Variants in CD109 observed in about 807,000 individuals in gnomAD.
CD109 encodes CD109 molecule.
Under a neutral mutation model 165.8 loss-of-function variants are expected in CD109, and 149 were observed. That is an observed-to-expected ratio of 0.90 (90% CI 0.79 to 1.03). The LOEUF (loss-of-function observed/expected upper bound fraction) is 1.03. Among genes scored for constraint, CD109 ranks in the 50% least tolerant of loss-of-function variants. CD109 has a pLI of 0.00. For synonymous variants in CD109, 585 were observed against 592.1 expected (o/e 0.99, Z 0.18); for missense variants, 1,712 against 1,677.8 (o/e 1.02, Z -0.36).
At chr6:73,700,790 GTTTTTTT>G (rs58140668) in intron 2 of CD109, among the ~76,000 whole-genome samples, 2 of 51,478 alleles carry the variant, frequency 3.9e-5, no homozygotes, top group East Asian at 6.0e-4. Flanking sequence ...ATTGATTGTA[GTTTTTTT>G]TTTTTTTTTT....
intron 29 of CD109, among the ~76,000 whole-genome samples, chr6:73,814,609 G>A (rs1262671774): frequency 3.3e-5 from 5 of 152,166 alleles, no homozygotes; most frequent in African/African-American, 1.2e-4. Flanking sequence ...GTTCTAGTTA[G>A]AGAAAAATGA....
At chr6:73,762,344 C>G in intron 7 of CD109, 40 bp from the exon 8 acceptor site, 1 of 1,202,658 alleles carries the variant, frequency 8.3e-7, no homozygotes. Flanking sequence ...CTGACAATAT[C>G]AAGTTGATAC....
intron 23 of CD109, among the ~76,000 whole-genome samples, chr6:73,793,833 G>A (rs1224523221): frequency 2.0e-5 from 3 of 152,180 alleles, no homozygotes; most frequent in Non-Finnish European, 4.4e-5. Flanking sequence ...TCAAATTCAT[G>A]AGGATTAGAA....
chr6:73,688,952 T>C, the CD109 span, among the ~76,000 whole-genome samples: 1 of 151,782 alleles, frequency 6.6e-6, no homozygotes, highest in Non-Finnish European at 1.5e-5. Context: ...TGATTTTTAG[T>C]AGAGACAAGG....
chr6:73,739,193 A>G (rs1772659044), intron 5 of CD109, among the ~76,000 whole-genome samples: 1 of 152,206 alleles, frequency 6.6e-6, no homozygotes. Flanking sequence ...TTTTGAAGAC[A>G]AGTATACTGA....
chr6:73,776,442 A>G (rs1044724343), intron 15 of CD109, among the ~76,000 whole-genome samples: 1 of 150,894 alleles, frequency 6.6e-6, no homozygotes, highest in African/African-American at 2.4e-5. Flanking sequence ...TTAGTAGAGA[A>G]GGGGTTTCAC....
the CD109 span, among the ~76,000 whole-genome samples, chr6:73,679,842 C>T: frequency 1.3e-5 from 2 of 152,050 alleles, no homozygotes; most frequent in East Asian, 1.9e-4. Context: ...ACCATGTTGG[C>T]CAGGCTAGTC....
intron 4 of CD109, among the ~76,000 whole-genome samples, chr6:73,733,645 G>A (rs115255137): frequency 2.2e-3 from 329 of 152,298 alleles, no homozygotes; most frequent in African/African-American, 7.5e-3. Flanking sequence ...GTGCTAGTAC[G>A]GGTGAATGAT....
At chr6:73,681,324 TTGTGTGTGTGTGTGTGTG>T in the CD109 span, among the ~76,000 whole-genome samples, 4 of 145,568 alleles carry the variant, frequency 2.7e-5, no homozygotes, top group African/African-American at 1.0e-4. Flanking sequence ...CAGTTACCAT[TTGTGTGTGTGTGTGTGTG>T]TGTGTGTGTG....
At position 73,766,509 on chromosome 6, in the gene CD109, A is replaced by T. The variant is rs550056724; in HGVS notation, c.1333-250A>T. Among the ~76,000 whole-genome samples the T allele has an allele frequency of 2.2e-5, 3 of 134,388 alleles. No individual in the cohort carries two copies. The South Asian group carries it at 6.9e-4, about 31-fold the overall frequency. 88.2% of individuals were successfully genotyped at this position (134,388 alleles called of 152,430 possible). A position where few individuals can be genotyped will look rare whatever the true frequency, so the allele number is the denominator to read the frequency against. On this transcript the variant is annotated intron_variant, in intron 11 of 32. Transcript: ENST00000287097. The stretch of plus-strand genomic sequence containing the variant: ...TATACATATATATATATACACACAT[A>T]TATATGTATATGTATATGTGTGTGT...
At chr6:73,698,711 G>GGT (rs542870549) in intron 2 of CD109, among the ~76,000 whole-genome samples, 60 of 152,306 alleles carry the variant, frequency 3.9e-4, no homozygotes, top group African/African-American at 1.4e-3. Flanking sequence ...AGGAAGAGAT[G>GGT]GTGTGTGTAG....
chr6:73,782,863 A>T lies in CD109; in HGVS notation c.2105+108A>T, dbSNP rs138945913. 8.4e-5 allele frequency: 83 copies of T among 985,196 alleles called. No individual in the cohort carries two copies. The Middle Eastern group carries it at 1.6e-3, about 20-fold the overall frequency. 61.0% of individuals were successfully genotyped at this position (985,196 alleles called of 1,614,324 possible). A position where few individuals can be genotyped will look rare whatever the true frequency, so the allele number is the denominator to read the frequency against. On this transcript the variant is annotated intron_variant, in intron 18 of 32. Coordinates refer to ENST00000287097, the MANE Select transcript of CD109 (RefSeq NM_133493.5). ...AAGTACAAACATAGTGTAACTAAGAACTAAGTAGACCAAAAGGATTTTTTA... is the reference window on the plus strand; with the variant it reads ...AAGTACAAACATAGTGTAACTAAGATCTAAGTAGACCAAAAGGATTTTTTA...
intron 23 of CD109, among the ~76,000 whole-genome samples, chr6:73,799,321 T>C (rs1775281991): frequency 6.6e-6 from 1 of 152,334 alleles, no homozygotes; most frequent in Non-Finnish European, 1.5e-5. Flanking sequence ...ACAAACTTAT[T>C]TTGAGACATA....
Position 73,818,428 on chromosome 6 carries a change from GTTAACCTA to G in CD109, c.3957_3964del (p.Asn1319LysfsTer22). On this transcript the variant is annotated frameshift_variant, in exon 31 of 33. Coordinates refer to ENST00000287097, the MANE Select transcript of CD109 (RefSeq NM_133493.5). LOFTEE classifies it high-confidence loss of function. ...TAGGAGTGGCATGGCTCTTATGGAA[GTTAACCTA>G]TTAAGTGGCTTTATGGTGCCTTCAG... 6.2e-7 allele frequency: 1 copy of G among 1,613,870 alleles called. No homozygotes were observed.
Position 73,818,340 on chromosome 6 carries a change from A to G in CD109, c.3912-48A>G, listed in dbSNP as rs375715893. 2.5e-6 allele frequency: 4 copies of G among 1,602,136 alleles called. No individual in the cohort carries two copies. The African/African-American group carries it at 5.4e-5, about 21-fold the overall frequency. ...GTATGAAGATAATTTGATAACAGCT[A>G]TGGGTTTTTCCTGAGGAGTTTTCAT... On this transcript the variant is annotated intron_variant, in intron 30 of 32. Coordinates refer to ENST00000287097, the MANE Select transcript of CD109 (RefSeq NM_133493.5).
the CD109 span, among the ~76,000 whole-genome samples, chr6:73,682,219 G>A: frequency 6.6e-6 from 1 of 152,132 alleles, no homozygotes; most frequent in Non-Finnish European, 1.5e-5. Flanking sequence ...TTCTGCCTCT[G>A]AACCTGTAAA....
intron 30 of CD109, among the ~76,000 whole-genome samples, chr6:73,818,171 G>A (rs1236143545): frequency 2.0e-5 from 3 of 152,156 alleles, no homozygotes; most frequent in African/African-American, 7.2e-5. Context: ...TGAACACATT[G>A]TTGTATCATT....
At chr6:73,747,410 C>T (rs891179573) in intron 5 of CD109, among the ~76,000 whole-genome samples, 2 of 152,082 alleles carry the variant, frequency 1.3e-5, no homozygotes, top group Non-Finnish European at 2.9e-5. Flanking sequence ...TTTCTTTCTA[C>T]TTGTTTGGAT....
intron 16 of CD109, 73 bp from the exon 17 acceptor site, chr6:73,781,185 TG>T: frequency 8.0e-7 from 1 of 1,244,342 alleles, no homozygotes; most frequent in Non-Finnish European, 1.2e-6. Context: ...GTCAGGAGTT[TG>T]GGAGACTGCC....
Sources: allele counts gnomAD v4.1 joint callset (sites outside exome capture counted in the v4.1 genomes callset), GRCh38; gene constraint gnomAD v4.1.1; transcripts MANE v1.5; gene names NCBI Gene and HGNC (gene_info 2026-07-23, HGNC 2026-07-21).